Variants in MAN1A1 observed in about 807,000 individuals in gnomAD.
MAN1A1 encodes mannosidase alpha class 1A member 1, also known as mannosyl-oligosaccharide 1,2-alpha-mannosidase IA.
MAN1A1 carries 29 observed loss-of-function variants against 70.8 expected under a neutral mutation model. The observed-to-expected ratio is 0.41, with a 90% confidence interval of 0.31 to 0.56. The LOEUF (loss-of-function observed/expected upper bound fraction) is 0.56. Among genes scored for constraint, MAN1A1 ranks in the 20% least tolerant of loss-of-function variants. The pLI is 0.29. For missense variants in MAN1A1, 747 were observed against 841.3 expected (o/e 0.89, Z 1.39); for synonymous variants, 349 against 330.1 (o/e 1.06, Z -0.62).
chr6:119,294,911 G>A lies in MAN1A1; in HGVS notation c.817-4148C>T, dbSNP rs1772157350. ...ACTAATCTCTATTATTGTCTTGGGT[G>A]TTTGAGATTGATAACTTCCACCTTA... On this transcript the variant is annotated intron_variant, in intron 4 of 12. Coordinates refer to ENST00000368468, the MANE Select transcript of MAN1A1 (RefSeq NM_005907.4). Among the ~76,000 whole-genome samples, 4 of 152,188 alleles carry A rather than the reference G, an allele frequency of 2.6e-5. No individual in the cohort carries two copies. In the Middle Eastern group the frequency reaches 0.01, roughly 388 times the overall value.
At chr6:119,202,981 G>T (rs1157859896) in intron 7 of MAN1A1, among the ~76,000 whole-genome samples, 2 of 131,396 alleles carry the variant, frequency 1.5e-5, no homozygotes, top group African/African-American at 5.7e-5. Context: ...AGACACAAGA[G>T]CTCTCTCTCT....
chr6:119,246,212 T>C (rs1284667205), intron 6 of MAN1A1, among the ~76,000 whole-genome samples: 1 of 152,166 alleles, frequency 6.6e-6, no homozygotes, highest in Non-Finnish European at 1.5e-5. Flanking sequence ...CACACCTCTA[T>C]TAGATTTAGT....
chr6:119,192,900 G>A (rs563929466), intron 9 of MAN1A1, among the ~76,000 whole-genome samples: 3 of 152,060 alleles, frequency 2.0e-5, no homozygotes, highest in Non-Finnish European at 4.4e-5. Flanking sequence ...TTAACTGGAG[G>A]TGTTTCTTAG....
At chr6:119,201,202 C>T in intron 8 of MAN1A1, 52 bp downstream of exon 8, 2 of 1,351,404 alleles carry the variant, frequency 1.5e-6, no homozygotes, top group Non-Finnish European at 2.1e-6. Context: ...TCCTCTCTCT[C>T]CACGAGTACA....
At position 119,178,280 on chromosome 6, in the gene MAN1A1, T is replaced by C. The variant is rs566801820; in HGVS notation, c.*1539A>G. 6.6e-6 allele frequency: 1 copy of C among 152,146 alleles called. No individual in the cohort carries two copies. The highest frequency in any genetic ancestry group is 1.5e-5 in the Non-Finnish European group (1 of 67,964). 9.4% of individuals were successfully genotyped at this position (152,146 alleles called of 1,614,324 possible). ...CTAAGAAAATAATTGTCTTCAATAA[T>C]ATTAGGTGGAACCATATGAAACTGC... On this transcript the variant is annotated 3_prime_UTR_variant, in exon 13 of 13. Coordinates refer to ENST00000368468, the MANE Select transcript of MAN1A1 (RefSeq NM_005907.4).
At position 119,204,744 on chromosome 6, in the gene MAN1A1, A is replaced by G. The variant is rs1242368013; in HGVS notation, c.1116+15T>C. 16 of 1,613,716 alleles carry G rather than the reference A, an allele frequency of 9.9e-6. No homozygotes were observed. In the Admixed American group the frequency reaches 2.5e-4, roughly 25 times the overall value. On this transcript the variant is annotated intron_variant, in intron 7 of 12. Transcript: ENST00000368468. ...AGTGTTGCTTTGCAGGCCAAGGCAC[A>G]TTGAAGAATCTCACCTTTTCAGCAA...
At chr6:119,204,731 C>A in intron 7 of MAN1A1, 28 bp downstream of exon 7, 1 of 1,611,752 alleles carries the variant, frequency 6.2e-7, no homozygotes, top group South Asian at 1.1e-5. Context: ...TGTTGCTTTG[C>A]AGGCCAAGGC....
At chr6:119,186,255 A>G (rs1773289062) in intron 11 of MAN1A1, among the ~76,000 whole-genome samples, 1 of 152,268 alleles carries the variant, frequency 6.6e-6, no homozygotes, top group Non-Finnish European at 1.5e-5. Context: ...TTGCAAAGAT[A>G]TGGAGGGGAG....
intron 5 of MAN1A1, among the ~76,000 whole-genome samples, chr6:119,273,146 C>A (rs1775970474): frequency 6.6e-6 from 1 of 152,118 alleles, no homozygotes; most frequent in African/African-American, 2.4e-5. Flanking sequence ...AAGACTGGGG[C>A]AGAAATTTAG....
chr6:119,195,783 T>C (rs918415861), intron 8 of MAN1A1, among the ~76,000 whole-genome samples: 3 of 152,124 alleles, frequency 2.0e-5, no homozygotes, highest in Non-Finnish European at 4.4e-5. Context: ...TTAAAGTAGT[T>C]AAGTATGTGA....
At chr6:119,241,432 C>T (rs895238093) in intron 6 of MAN1A1, among the ~76,000 whole-genome samples, 1 of 152,098 alleles carries the variant, frequency 6.6e-6, no homozygotes, top group African/African-American at 2.4e-5. Flanking sequence ...AAAGTGTGGT[C>T]GTTGGGCAAG....
intron 2 of MAN1A1, among the ~76,000 whole-genome samples, chr6:119,310,550 G>A (rs1317353126): frequency 2.0e-5 from 3 of 152,196 alleles, no homozygotes; most frequent in South Asian, 2.1e-4. Flanking sequence ...AACGTGGGGC[G>A]CCCTGGTGTG....
intron 6 of MAN1A1, among the ~76,000 whole-genome samples, chr6:119,216,049 A>G (rs1013908511): frequency 1.5e-4 from 23 of 152,210 alleles, no homozygotes; most frequent in African/African-American, 5.5e-4. Context: ...GTGTGAAAAC[A>G]GAAGCTTGGC....
At chr6:119,268,941 C>T (rs1775836166) in intron 5 of MAN1A1, among the ~76,000 whole-genome samples, 1 of 152,146 alleles carries the variant, frequency 6.6e-6, no homozygotes, top group South Asian at 2.1e-4. Flanking sequence ...TACGCCTGAA[C>T]AATTCTTAGA....
intron 2 of MAN1A1, among the ~76,000 whole-genome samples, chr6:119,339,706 A>G (rs565616191): frequency 1.7e-4 from 26 of 152,296 alleles, no homozygotes; most frequent in African/African-American, 6.0e-4. Flanking sequence ...CAACAAACCT[A>G]TTCTATCCTT....
At chr6:119,184,170 T>G (rs749272059) in intron 11 of MAN1A1, among the ~76,000 whole-genome samples, 1 of 152,108 alleles carries the variant, frequency 6.6e-6, no homozygotes, top group African/African-American at 2.4e-5. Context: ...GAAGCTGTCA[T>G]GTGTTTGTAT....
chr6:119,182,721 A>G (rs1304224346), intron 11 of MAN1A1, among the ~76,000 whole-genome samples: 1 of 152,188 alleles, frequency 6.6e-6, no homozygotes, highest in African/African-American at 2.4e-5. Context: ...GACAAAAATA[A>G]TAAAGTTTAA....
chr6:119,266,187 A>T (rs1775749203), intron 5 of MAN1A1, among the ~76,000 whole-genome samples: 1 of 152,210 alleles, frequency 6.6e-6, no homozygotes, highest in Non-Finnish European at 1.5e-5. Flanking sequence ...CCAACTTGGA[A>T]TAATAGATTA....
At chr6:119,317,349 A>T (rs1203544341) in intron 2 of MAN1A1, among the ~76,000 whole-genome samples, 1 of 152,186 alleles carries the variant, frequency 6.6e-6, no homozygotes. Context: ...ATAGTATCAT[A>T]GAGTATTTTC....
Sources: allele counts gnomAD v4.1 joint callset (sites outside exome capture counted in the v4.1 genomes callset), GRCh38; gene constraint gnomAD v4.1.1; transcripts MANE v1.5; gene names NCBI Gene and HGNC (gene_info 2026-07-23, HGNC 2026-07-21).